Variants in MZT1 observed in about 807,000 individuals in gnomAD.
MZT1 encodes the protein mitotic spindle organizing protein 1.
MZT1 carries 8 observed loss-of-function variants against 8.5 expected under a neutral mutation model. The observed-to-expected ratio is 0.94, with a 90% CI of 0.55 to 1.70. The LOEUF is 1.70. Ranked by LOEUF, MZT1 falls within the 40% of genes most tolerant of loss-of-function variation. The pLI is 0.00. For synonymous variants in MZT1, 38 were observed against 42.0 expected (o/e 0.90, Z 0.37); for missense variants, 93 against 108.6 (o/e 0.86, Z 0.64).
intron 1 of MZT1, 96 bp from the exon 2 acceptor site, chr13:72,719,193 A>T: frequency 1.0e-6 from 1 of 966,638 alleles, no homozygotes. Context: ...ACTGCACAAT[A>T]CCAAGGAATT....
intron 1 of MZT1, among the ~76,000 whole-genome samples, chr13:72,724,701 A>AATATATATATATATAT (rs71198160): frequency 3.1e-5 from 1 of 32,642 alleles, no homozygotes; most frequent in African/African-American, 5.5e-5. Flanking sequence ...CTTACTACTA[A>AATATATATATATATAT]ATATATATAT....
intron 1 of MZT1, among the ~76,000 whole-genome samples, chr13:72,727,317 C>A (rs1299465195): frequency 5.3e-4 from 80 of 152,350 alleles, no homozygotes; most frequent in Non-Finnish European, 1.3e-4. Flanking sequence ...CAACGCCTAG[C>A]GCGCGCGACA....
intron 1 of MZT1, among the ~76,000 whole-genome samples, chr13:72,720,675 G>C (rs2032583678): frequency 6.6e-6 from 1 of 152,152 alleles, no homozygotes; most frequent in Non-Finnish European, 1.5e-5. Flanking sequence ...GATCACCTGA[G>C]GTCGGGAGTT....
chr13:72,710,402 A>G, intron 2 of MZT1, 57 bp from the exon 3 acceptor site: 2 of 1,570,350 alleles, frequency 1.3e-6, no homozygotes, highest in East Asian at 2.2e-5. Flanking sequence ...AGGCATCATG[A>G]AGATAAATTT....
intron 2 of MZT1, 98 bp from the exon 3 acceptor site, chr13:72,710,443 T>C: frequency 1.8e-6 from 2 of 1,106,646 alleles, no homozygotes; most frequent in Non-Finnish European, 2.7e-6. Context: ...AACAAACAAC[T>C]ATTCCCCATA....
At chr13:72,716,532 T>C (rs2032536687) in intron 2 of MZT1, among the ~76,000 whole-genome samples, 1 of 152,192 alleles carries the variant, frequency 6.6e-6, no homozygotes, top group Non-Finnish European at 1.5e-5. Context: ...TTTTAAATAG[T>C]TGATTTCTTA....
chr13:72,711,370 A>T (rs2032487370), intron 2 of MZT1, among the ~76,000 whole-genome samples: 1 of 152,174 alleles, frequency 6.6e-6, no homozygotes, highest in Non-Finnish European at 1.5e-5. Context: ...TAACTTATGT[A>T]ATTAGGGAGA....
Position 72,718,147 on chromosome 13 carries a change from T to C in MZT1, c.225+805A>G, listed in dbSNP as rs558663664. On this transcript the variant is annotated intron_variant, in intron 2 of 2. Coordinates refer to ENST00000377818, the MANE Select transcript of MZT1 (RefSeq NM_001071775.3). ...AAGGCGTTAGCTGGGTCATGCTCTC[T>C]GACAGCTCTAGGGGAATATCCTTCC... Among the ~76,000 whole-genome samples the C allele has an allele frequency of 2.6e-5, 4 of 152,342 alleles. No homozygotes were observed. The South Asian group carries it at 8.3e-4, about 32-fold the overall frequency.
intron 2 of MZT1, among the ~76,000 whole-genome samples, chr13:72,717,124 T>G (rs2032543158): frequency 6.6e-6 from 1 of 152,204 alleles, no homozygotes; most frequent in Admixed American, 6.5e-5. Flanking sequence ...AGGCTGAGAA[T>G]TTTCTAAATT....
At chr13:72,714,786 T>C (rs551905073) in intron 2 of MZT1, among the ~76,000 whole-genome samples, 1 of 152,232 alleles carries the variant, frequency 6.6e-6, no homozygotes, top group Non-Finnish European at 1.5e-5. Context: ...CAGAGTACAA[T>C]GGCTGAGGCT....
intron 1 of MZT1, among the ~76,000 whole-genome samples, chr13:72,725,009 T>G (rs1252782101): frequency 6.9e-6 from 1 of 145,574 alleles, no homozygotes; most frequent in Non-Finnish European, 1.5e-5. Context: ...GAGGTTGCAG[T>G]GAGCCAAGGT....
chr13:72,713,409 C>T (rs893846316), intron 2 of MZT1, among the ~76,000 whole-genome samples: 4 of 152,080 alleles, frequency 2.6e-5, no homozygotes, highest in East Asian at 3.9e-4. Context: ...CTCACAGATA[C>T]GAAGGTCCAC....
chr13:72,722,844 A>G (rs2032604151), intron 1 of MZT1, among the ~76,000 whole-genome samples: 1 of 152,170 alleles, frequency 6.6e-6, no homozygotes, highest in Non-Finnish European at 1.5e-5. Flanking sequence ...GTCTATCCTG[A>G]TAATTATATT....
chr13:72,725,997 G>A (rs965605325), intron 1 of MZT1, among the ~76,000 whole-genome samples: 4 of 152,032 alleles, frequency 2.6e-5, no homozygotes, highest in African/African-American at 9.7e-5. Flanking sequence ...TGAATATTAA[G>A]AGTAACATTC....
chr13:72,718,845 T>C (rs2032564775), intron 2 of MZT1, 107 bp downstream of exon 2: 1 of 1,080,608 alleles, frequency 9.3e-7, no homozygotes, highest in Non-Finnish European at 1.3e-6. Flanking sequence ...TGGTGTTGCA[T>C]GTTAGTTTAA....
intron 1 of MZT1, among the ~76,000 whole-genome samples, chr13:72,724,752 A>ATGTGTGTGTGTGTGTGTG (rs1555270950): frequency 5.3e-5 from 3 of 56,892 alleles, no homozygotes; most frequent in African/African-American, 1.5e-4. Flanking sequence ...ACATATATAT[A>ATGTGTGTGTGTGTGTGTG]TGTAAAGTGG....
chr13:72,713,935 T>C (rs2032511118), intron 2 of MZT1, among the ~76,000 whole-genome samples: 1 of 152,226 alleles, frequency 6.6e-6, no homozygotes, highest in South Asian at 2.1e-4. Context: ...ATATAAATAT[T>C]AGCTATTCTT....
chr13:72,727,605 C>A lies in MZT1; in HGVS notation c.-3G>T, dbSNP rs1157251312. ...CCAGCACCGCTGCTACTCGCCATGG[C>A]TAAGGCCGAGGGAGGCGGGAGAAGG... On this transcript the variant is annotated 5_prime_UTR_variant, in exon 1 of 3. Transcript: ENST00000377818. 3 of 1,594,536 alleles carry A rather than the reference C, an allele frequency of 1.9e-6. No individual in the cohort carries two copies. Among genetic ancestry groups the A allele is most frequent in the East Asian group, 2.3e-5 (1 of 43,846 alleles).
At chr13:72,716,957 A>G (rs1484757489) in intron 2 of MZT1, among the ~76,000 whole-genome samples, 1 of 152,152 alleles carries the variant, frequency 6.6e-6, no homozygotes, top group Non-Finnish European at 1.5e-5. Flanking sequence ...TTTCCTGTCT[A>G]AACAATCCCA....
Sources: gnomAD v4.1 joint callset for allele counts (sites outside exome capture counted in the v4.1 genomes callset) on GRCh38, gnomAD v4.1.1 for gene constraint, MANE v1.5 for transcripts, NCBI Gene and HGNC (gene_info 2026-07-23, HGNC 2026-07-21) for gene names.